The following KCNMA1 variants were observed in gnomAD, a reference collection of about 807,000 sequenced individuals.
KCNMA1 encodes Calcium-activated potassium channel subunit alpha-1.
A neutral mutation model predicts 140.0 loss-of-function variants in KCNMA1; 29 were observed. That is an observed-to-expected ratio of 0.21 (90% CI 0.15 to 0.28). KCNMA1 has a LOEUF of 0.28. Among genes scored for constraint, KCNMA1 ranks in the 10% least tolerant of loss-of-function variants. The pLI is 1.00. For missense variants in KCNMA1, 880 were observed against 1,602.2 expected (o/e 0.55, Z 7.70); for synonymous variants, 612 against 611.9 (o/e 1.00, Z 0.00).
chr10:77,052,942 C>A (rs2095422857), intron 14 of KCNMA1, among the ~76,000 whole-genome samples: 1 of 152,184 alleles, frequency 6.6e-6, no homozygotes, highest in South Asian at 2.1e-4. Flanking sequence ...CCCCCAAATA[C>A]CTTATTAAAG....
At position 77,304,133 on chromosome 10, in the gene KCNMA1, A is replaced by C. The variant is rs150863808; in HGVS notation, c.541-52877T>G. Among the ~76,000 whole-genome samples the C allele has an allele frequency of 2.6e-3, 390 of 152,310 alleles. 2 individuals carry two copies. Among genetic ancestry groups the C allele is most frequent in the African/African-American group, 9.1e-3 (380 of 41,582 alleles). On this transcript the variant is annotated intron_variant, in intron 2 of 27. Coordinates refer to ENST00000286628, the MANE Select transcript of KCNMA1 (RefSeq NM_001161352.2). ...ACCTCAGCTACCTGATTTCCTGCAC[A>C]TAGGGCCAGAAATATACTAAGGGGA...
chr10:77,429,224 C>T (rs571890062), intron 1 of KCNMA1, among the ~76,000 whole-genome samples: 4 of 152,144 alleles, frequency 2.6e-5, no homozygotes, highest in Non-Finnish European at 5.9e-5. Context: ...CCTAATCCCC[C>T]AAGTGTTAGA....
Position 77,356,693 on chromosome 10 carries a change from C to T in KCNMA1, c.540+47169G>A, listed in dbSNP as rs531711676. ...AACCAAACCATATCATAGTGGATAG[C>T]TATTATCTTTACCTGACTAGCATTC... is the stretch of plus-strand genomic sequence containing the variant. On this transcript the variant is annotated intron_variant, in intron 2 of 27. Transcript: ENST00000286628. 7.2e-5 allele frequency among the ~76,000 whole-genome samples: 11 copies of T among 152,312 alleles called. No homozygotes were observed. In the East Asian group the frequency reaches 1.9e-3, roughly 27 times the overall value.
intron 16 of KCNMA1, chr10:77,020,038 T>G (rs1327599342): frequency 1.3e-5 from 2 of 152,210 alleles, no homozygotes; most frequent in Non-Finnish European, 2.9e-5. Flanking sequence ...CAAGATTGTC[T>G]GATGCAGAGA....
chr10:76,927,158 T>A (rs1381096012), intron 23 of KCNMA1, among the ~76,000 whole-genome samples: 1 of 152,158 alleles, frequency 6.6e-6, no homozygotes, highest in Non-Finnish European at 1.5e-5. Context: ...ATCCAGAGGA[T>A]CTCCTTACAG....
chr10:77,126,351 A>T (rs1022250631), intron 5 of KCNMA1, among the ~76,000 whole-genome samples: 5 of 152,174 alleles, frequency 3.3e-5, no homozygotes, highest in Admixed American at 3.3e-4. Context: ...ATCAATTCTT[A>T]AAAATGGACT....
At chr10:77,619,314 G>GTCTC (rs61564819) in intron 1 of KCNMA1, among the ~76,000 whole-genome samples, 20 of 91,542 alleles carry the variant, frequency 2.2e-4, no homozygotes, top group South Asian at 5.6e-4. Flanking sequence ...CTGTCTGTCT[G>GTCTC]TCTCTCTCTC....
intron 16 of KCNMA1, among the ~76,000 whole-genome samples, chr10:77,021,887 C>T (rs540223032): frequency 1.3e-5 from 2 of 152,210 alleles, no homozygotes; most frequent in African/African-American, 2.4e-5. Flanking sequence ...CATAAAGATG[C>T]TCTTGGCGCT....
At chr10:77,029,218 T>C (rs2093733132) in intron 15 of KCNMA1, among the ~76,000 whole-genome samples, 1 of 152,350 alleles carries the variant, frequency 6.6e-6, no homozygotes, top group South Asian at 2.1e-4. Flanking sequence ...TGTCTACAAT[T>C]AGCATTACCA....
At chr10:77,322,393 A>T (rs1475411532) in intron 2 of KCNMA1, among the ~76,000 whole-genome samples, 1 of 152,192 alleles carries the variant, frequency 6.6e-6, no homozygotes, top group African/African-American at 2.4e-5. Context: ...CCATGCTCCA[A>T]CTTCATCATC....
At chr10:77,367,949 C>T (rs1319065198) in intron 2 of KCNMA1, among the ~76,000 whole-genome samples, 4 of 152,062 alleles carry the variant, frequency 2.6e-5, no homozygotes, top group Non-Finnish European at 4.4e-5. Flanking sequence ...AGCCATTCAC[C>T]CACTGAGATT....
chr10:77,048,349 T>A (rs1442263346), intron 14 of KCNMA1, among the ~76,000 whole-genome samples: 2 of 152,302 alleles, frequency 1.3e-5, no homozygotes, highest in African/African-American at 4.8e-5. Context: ...ATTGTGCTGG[T>A]CCACAACATG....
intron 9 of KCNMA1, chr10:77,091,689 G>C (rs2096822462): frequency 6.6e-6 from 1 of 152,146 alleles, no homozygotes; most frequent in South Asian, 2.1e-4. Flanking sequence ...TAATTTCCTG[G>C]GTAAAATTTA....
At chr10:77,611,058 T>C (rs183532374) in intron 1 of KCNMA1, among the ~76,000 whole-genome samples, 24 of 152,334 alleles carry the variant, frequency 1.6e-4, no homozygotes, top group Non-Finnish European at 2.5e-4. Context: ...GTGATAATCA[T>C]GCCAATTTCA....
At chr10:77,517,639 G>T (rs1015159420) in intron 1 of KCNMA1, among the ~76,000 whole-genome samples, 1 of 152,114 alleles carries the variant, frequency 6.6e-6, no homozygotes, top group African/African-American at 2.4e-5. Context: ...ACACTGAAGG[G>T]CCCGTGTTCT....
At chr10:77,505,563 T>A (rs2154546392) in intron 1 of KCNMA1, among the ~76,000 whole-genome samples, 1 of 152,282 alleles carries the variant, frequency 6.6e-6, no homozygotes, top group African/African-American at 2.4e-5. Flanking sequence ...AACAGAAGCT[T>A]CCTGGCTTTA....
Position 77,239,384 on chromosome 10 carries a change from T to C in KCNMA1, c.602+11811A>G, listed in dbSNP as rs984910657. ...ATTTTCTGCATTTTCTGGCATGGAG[T>C]GAGGGTAGCGGGTGTATGGAAATTC... On this transcript the variant is annotated intron_variant, in intron 3 of 27. Coordinates refer to ENST00000286628, the MANE Select transcript of KCNMA1 (RefSeq NM_001161352.2). Among the ~76,000 whole-genome samples, 6 of 152,146 alleles carry C rather than the reference T, an allele frequency of 3.9e-5. No individual in the cohort carries two copies. The East Asian group carries it at 7.7e-4, about 20-fold the overall frequency.
chr10:77,171,433 G>A (rs1048850977), intron 5 of KCNMA1, among the ~76,000 whole-genome samples: 6 of 134,910 alleles, frequency 4.4e-5, no homozygotes, highest in African/African-American at 1.6e-4. Context: ...GTGTGTGTGT[G>A]TGTGTGTGTT....
chr10:77,348,099 T>G lies in KCNMA1; in HGVS notation c.540+55763A>C, dbSNP rs149219581. Among the ~76,000 whole-genome samples the G allele has an allele frequency of 2.5e-3, 383 of 152,308 alleles. 2 individuals carry two copies. The highest frequency in any genetic ancestry group is 4.2e-3 in the Non-Finnish European group (286 of 68,028). On this transcript the variant is annotated intron_variant, in intron 2 of 27. Coordinates refer to ENST00000286628, the MANE Select transcript of KCNMA1 (RefSeq NM_001161352.2). ...CCCCATAGAAACAAGCATTTTAGTT[T>G]CACTAGAATCACCGGGATAAACAGA...
Sources: gnomAD v4.1 joint callset for allele counts (sites outside exome capture counted in the v4.1 genomes callset) on GRCh38, gnomAD v4.1.1 for gene constraint, MANE v1.5 for transcripts, NCBI Gene and HGNC (gene_info 2026-07-23, HGNC 2026-07-21) for gene names.